Variants in ENTREP2 observed in about 807,000 individuals in gnomAD.
The protein encoded by ENTREP2 is protein ENTREP2.
the ENTREP2 span, among the ~76,000 whole-genome samples, chr15:29,673,042 G>A: frequency 2.0e-5 from 3 of 152,050 alleles, no homozygotes; most frequent in Middle Eastern, 3.2e-3. Context: ...GGAACTGAAG[G>A]TTACTCCCTC....
At chr15:29,417,346 G>A in the ENTREP2 span, among the ~76,000 whole-genome samples, 1 of 152,114 alleles carries the variant, frequency 6.6e-6, no homozygotes, top group African/African-American at 2.4e-5. Context: ...TCCTTTGTAG[G>A]GACATGGATG....
chr15:29,541,346 T>C, the ENTREP2 span, among the ~76,000 whole-genome samples: 1 of 152,184 alleles, frequency 6.6e-6, no homozygotes. Context: ...AGAAACAGGA[T>C]GGACACAGCT....
chr15:29,654,747 T>C, the ENTREP2 span, among the ~76,000 whole-genome samples: 2 of 152,202 alleles, frequency 1.3e-5, no homozygotes, highest in African/African-American at 2.4e-5. Flanking sequence ...CTGAACTTTC[T>C]TGATAAAGTG....
chr15:29,146,836 G>A, the ENTREP2 span, among the ~76,000 whole-genome samples: 2 of 152,128 alleles, frequency 1.3e-5, no homozygotes, highest in Non-Finnish European at 2.9e-5. Context: ...TCGGGAGGCT[G>A]AGGCAGGAGA....
chr15:29,465,375 C>T, the ENTREP2 span, among the ~76,000 whole-genome samples: 1 of 152,126 alleles, frequency 6.6e-6, no homozygotes, highest in Non-Finnish European at 1.5e-5. Flanking sequence ...AGATTTGGCT[C>T]TAGTTAAAGC....
At chr15:29,346,969 T>C in the ENTREP2 span, among the ~76,000 whole-genome samples, 1 of 152,340 alleles carries the variant, frequency 6.6e-6, no homozygotes, top group South Asian at 2.1e-4. Flanking sequence ...GAGTTAAAAC[T>C]ATAGCTTCTG....
At chr15:29,655,861 G>A in the ENTREP2 span, among the ~76,000 whole-genome samples, 1 of 151,936 alleles carries the variant, frequency 6.6e-6, no homozygotes, top group Non-Finnish European at 1.5e-5. Context: ...TCTGTCTCTA[G>A]TAAAAGTGCA....
chr15:29,431,181 C>G, the ENTREP2 span, among the ~76,000 whole-genome samples: 4 of 152,288 alleles, frequency 2.6e-5, no homozygotes, highest in African/African-American at 7.2e-5. Flanking sequence ...GGCCGGGTTA[C>G]GTAACCCCGG....
the ENTREP2 span, among the ~76,000 whole-genome samples, chr15:29,130,173 C>T: frequency 2.0e-5 from 3 of 152,276 alleles, no homozygotes; most frequent in Admixed American, 6.5e-5. Context: ...GAGGTGGTTC[C>T]GAGACAAAGA....
At chr15:29,560,504 C>T in the ENTREP2 span, among the ~76,000 whole-genome samples, 1 of 152,128 alleles carries the variant, frequency 6.6e-6, no homozygotes, top group Non-Finnish European at 1.5e-5. Flanking sequence ...CTCTCAGTGT[C>T]AGCCCTGCCC....
At chr15:29,240,355 T>C in the ENTREP2 span, among the ~76,000 whole-genome samples, 1 of 144,554 alleles carries the variant, frequency 6.9e-6, no homozygotes, top group Non-Finnish European at 1.5e-5. Context: ...AGAGCGAGAC[T>C]CCGTCTCAGA....
chr15:29,387,834 A>G, the ENTREP2 span, among the ~76,000 whole-genome samples: 1 of 152,196 alleles, frequency 6.6e-6, no homozygotes, highest in African/African-American at 2.4e-5. Context: ...CAACCATCTG[A>G]TCTTTGACAA....
At chr15:29,123,238 G>A in the ENTREP2 span, 16 of 1,275,174 alleles carry the variant, frequency 1.3e-5, no homozygotes, top group Middle Eastern at 2.0e-4. Context: ...TTTATCCTCC[G>A]CCAAGCTGGG....
the ENTREP2 span, among the ~76,000 whole-genome samples, chr15:29,341,784 C>CA: frequency 6.6e-6 from 1 of 152,162 alleles, no homozygotes; most frequent in Admixed American, 6.6e-5. Context: ...AAGCACCTTA[C>CA]AAGCACGGAG....
At chr15:29,471,484 G>A in the ENTREP2 span, among the ~76,000 whole-genome samples, 35 of 152,270 alleles carry the variant, frequency 2.3e-4, no homozygotes, top group African/African-American at 7.5e-4. Context: ...GAGAGACCCC[G>A]GGAGGCGCCG....
chr15:29,616,628 T>C, the ENTREP2 span, among the ~76,000 whole-genome samples: 2 of 152,238 alleles, frequency 1.3e-5, no homozygotes, highest in African/African-American at 2.4e-5. Context: ...CATACTGCTT[T>C]AAGTATAACA....
At chr15:29,460,487 C>A in the ENTREP2 span, among the ~76,000 whole-genome samples, 1 of 152,040 alleles carries the variant, frequency 6.6e-6, no homozygotes, top group South Asian at 2.1e-4. Flanking sequence ...CAAAAATTAG[C>A]CCGGCACGGT....
the ENTREP2 span, among the ~76,000 whole-genome samples, chr15:29,351,719 C>T: frequency 1.3e-5 from 2 of 152,162 alleles, no homozygotes; most frequent in African/African-American, 4.8e-5. Flanking sequence ...TCATAGCTCA[C>T]TGCAGCCTCA....
chr15:29,438,109 A>G, the ENTREP2 span, among the ~76,000 whole-genome samples: 1 of 152,130 alleles, frequency 6.6e-6, no homozygotes, highest in Admixed American at 6.5e-5. Flanking sequence ...GGCCCTGGGC[A>G]GCTGTGTAGA....
Sources: allele counts gnomAD v4.1 joint callset (sites outside exome capture counted in the v4.1 genomes callset), GRCh38; gene constraint gnomAD v4.1.1; transcripts MANE v1.5; gene names NCBI Gene and HGNC (gene_info 2026-07-23, HGNC 2026-07-21).